The following ICE2 variants were observed in gnomAD, a reference collection of about 807,000 sequenced individuals.
The protein encoded by ICE2 is interactor of little elongation complex ELL subunit 2.
Under a neutral mutation model 105.4 loss-of-function variants are expected in ICE2, and 87 were observed. The ratio of observed to expected loss-of-function variants is 0.83; its 90% CI spans 0.69 to 0.99. The LOEUF is 0.99. Ranked by LOEUF, ICE2 falls within the 50% of genes least tolerant of loss-of-function variation. ICE2 has a pLI of 0.00. For missense variants in ICE2, 1,323 were observed against 1,146.7 expected (o/e 1.15, Z -2.22); for synonymous variants, 399 against 392.0 (o/e 1.02, Z -0.21).
intron 9 of ICE2, chr15:60,453,069 A>C (rs1444486768): frequency 1.3e-5 from 9 of 674,770 alleles, no homozygotes; most frequent in Non-Finnish European, 1.6e-5. Flanking sequence ...CATCTCTACT[A>C]AAACTACAAA....
At chr15:60,470,657 T>C (rs895516713) in intron 3 of ICE2, among the ~76,000 whole-genome samples, 24 of 152,216 alleles carry the variant, frequency 1.6e-4, no homozygotes, top group African/African-American at 5.8e-4. Flanking sequence ...CCTATGATTA[T>C]TTTATGGTAT....
chr15:60,453,785 C>A lies in ICE2; in HGVS notation c.944-1G>T. ...TATATTACTTTAACTGGTTTTGAACCTTAAAACAGAAACCAAAGAAAAGAG... is the reference window on the plus strand; with the variant it reads ...TATATTACTTTAACTGGTTTTGAACATTAAAACAGAAACCAAAGAAAAGAG... On this transcript the variant is annotated splice_acceptor_variant, in intron 8 of 15. Coordinates refer to ENST00000261520, the MANE Select transcript of ICE2 (RefSeq NM_024611.6). LOFTEE classifies it high-confidence loss of function. 2.6e-6 allele frequency: 4 copies of A among 1,560,234 alleles called. No homozygotes were observed. Among genetic ancestry groups the A allele is most frequent in the Non-Finnish European group, 3.5e-6 (4 of 1,135,412 alleles).
At chr15:60,460,336 A>T (rs1339488138) in intron 5 of ICE2, among the ~76,000 whole-genome samples, 1 of 152,178 alleles carries the variant, frequency 6.6e-6, no homozygotes, top group Non-Finnish European at 1.5e-5. Context: ...TCTCCACTAA[A>T]AATACAAAAA....
At chr15:60,457,989 T>C (rs190810970) in intron 5 of ICE2, among the ~76,000 whole-genome samples, 3 of 152,282 alleles carry the variant, frequency 2.0e-5, no homozygotes, top group Non-Finnish European at 2.9e-5. Context: ...TTGTTACATA[T>C]TCATTGGCAC....
Position 60,449,625 on chromosome 15 carries a change from C to G in ICE2, c.1342G>C (p.Asp448His), listed in dbSNP as rs2063912666. 1 of 1,614,152 alleles carries G rather than the reference C, an allele frequency of 6.2e-7. No homozygotes were observed. The highest frequency in any genetic ancestry group is 8.5e-7 in the Non-Finnish European group (1 of 1,180,028). The change falls in exon 10 of 16, where the codon GAC becomes CAC. Residue 448 changes from aspartate to histidine, a missense_variant. Physicochemically the swap from Asp to His is moderately conservative, Grantham distance 81 (BLOSUM62 -1). Coordinates refer to ENST00000261520, the MANE Select transcript of ICE2 (RefSeq NM_024611.6). Reference sequence around the variant, plus strand: ...AAACTTCTAGAATTAGCAGAAATGTCTGGTGCACTTGGTGCCACAGTTGTA... The same window carrying G: ...AAACTTCTAGAATTAGCAGAAATGTGTGGTGCACTTGGTGCCACAGTTGTA... Reference protein sequence around the residue: ...GTTTVAPSAPDISANSRSLSQ... With the variant: ...GTTTVAPSAPHISANSRSLSQ...
intron 3 of ICE2, among the ~76,000 whole-genome samples, chr15:60,471,814 G>T (rs957351049): frequency 6.6e-6 from 1 of 151,626 alleles, no homozygotes; most frequent in African/African-American, 2.4e-5. Context: ...AAACAGGGTA[G>T]AATCCAAAAC....
At position 60,455,438 on chromosome 15, in the gene ICE2, C is replaced by G. The variant is rs536517889; in HGVS notation, c.671G>C (p.Ser224Thr). 7 of 1,600,500 alleles carry G rather than the reference C, an allele frequency of 4.4e-6. No individual in the cohort carries two copies. In the Admixed American group the frequency reaches 1.0e-4, roughly 23 times the overall value. The change falls in exon 7 of 16, where the codon AGT becomes ACT. Residue 224 changes from serine (S) to threonine (T), a missense_variant. Coordinates refer to ENST00000261520, the MANE Select transcript of ICE2 (RefSeq NM_024611.6). ...AAATACTGTTTTCACATATTTTACA[C>G]TGCCCTAAATATGAAAAAAAAATCA... ...KLEKTLLALGSVKYVKTVFPS... is the reference protein window; with the variant it reads ...KLEKTLLALGTVKYVKTVFPS...
At chr15:60,445,735 C>T (rs965207577) in intron 11 of ICE2, 2 of 985,114 alleles carry the variant, frequency 2.0e-6, no homozygotes, top group East Asian at 1.1e-4. Context: ...CCAAAATTTC[C>T]CTAGGCTATT....
rs2063276664 is a variant in ICE2, at chr15:60,423,727, C to T, written c.2856G>A (p.Arg952=). ...GGTRMPTRSH[R]NPVSMETKSS... is the part of the protein sequence containing the mutation. ...TTTTGGTTTCCATGGAAACTGGATT[C>T]CTGTGGCTGCGTGTAGGCATTCTCG... The change falls in exon 16 of 16, where the codon AGG becomes AGA. Residue 952 remains arginine, a synonymous_variant. Coordinates refer to ENST00000261520, the MANE Select transcript of ICE2 (RefSeq NM_024611.6). 1 of 1,602,474 alleles carries T rather than the reference C, an allele frequency of 6.2e-7. No individual in the cohort carries two copies. The highest frequency in any genetic ancestry group is 1.1e-5 in the South Asian group (1 of 88,784).
Position 60,446,505 on chromosome 15 carries a change from C to T in ICE2, c.2295+1465G>A, listed in dbSNP as rs574114005. On this transcript the variant is annotated intron_variant, in intron 11 of 15. Coordinates refer to ENST00000261520, the MANE Select transcript of ICE2 (RefSeq NM_024611.6). ...CCGCCTCCCAGGTTCACGCCATTCT[C>T]CAGCCTCAGCCTCCCACGTAGCTGG... Among the ~76,000 whole-genome samples, 10 of 152,316 alleles carry T rather than the reference C, an allele frequency of 6.6e-5. No homozygotes were observed. In the East Asian group the frequency reaches 1.9e-3, roughly 29 times the overall value.
At chr15:60,452,541 G>A (rs2063990666) in intron 9 of ICE2, 1 of 157,078 alleles carries the variant, frequency 6.4e-6, no homozygotes, top group African/African-American at 2.4e-5. Context: ...AGGGAAAACA[G>A]GTTTTGTTTT....
intron 5 of ICE2, among the ~76,000 whole-genome samples, chr15:60,459,946 C>T (rs553426677): frequency 2.0e-5 from 3 of 151,982 alleles, no homozygotes; most frequent in African/African-American, 7.3e-5. Flanking sequence ...ATACCGTCAT[C>T]ATAATGGATG....
chr15:60,443,691 G>T (rs1353940934), intron 11 of ICE2, among the ~76,000 whole-genome samples: 1 of 152,148 alleles, frequency 6.6e-6, no homozygotes, highest in Non-Finnish European at 1.5e-5. Context: ...AAAATTAAAT[G>T]TGATTAGGAT....
At chr15:60,453,199 T>G in intron 9 of ICE2, 19 of 991,692 alleles carry the variant, frequency 1.9e-5, no homozygotes, top group Non-Finnish European at 2.3e-5. Context: ...ACCACTGCAC[T>G]CCAGCCTGGG....
intron 5 of ICE2, among the ~76,000 whole-genome samples, chr15:60,465,727 T>C (rs1464953479): frequency 1.3e-5 from 2 of 151,576 alleles, no homozygotes; most frequent in African/African-American, 4.8e-5. Context: ...TATATAGTTA[T>C]TATTTAAGTA....
chr15:60,435,524 A>G (rs1338293284), intron 13 of ICE2, among the ~76,000 whole-genome samples: 1 of 150,978 alleles, frequency 6.6e-6, no homozygotes, highest in Non-Finnish European at 1.5e-5. Context: ...GCTTGAACCC[A>G]GGAGGTGGAG....
At chr15:60,460,918 A>G (rs992247014) in intron 5 of ICE2, among the ~76,000 whole-genome samples, 2 of 152,188 alleles carry the variant, frequency 1.3e-5, no homozygotes, top group East Asian at 3.8e-4. Flanking sequence ...AGCCCTTTAG[A>G]TTAGGGTTTC....
chr15:60,474,821 T>A (rs1163945068), intron 3 of ICE2, among the ~76,000 whole-genome samples: 1 of 152,112 alleles, frequency 6.6e-6, no homozygotes, highest in Non-Finnish European at 1.5e-5. Context: ...CTTGAGCATG[T>A]TCAAATACTG....
intron 3 of ICE2, among the ~76,000 whole-genome samples, chr15:60,473,139 T>G (rs947867268): frequency 1.3e-5 from 2 of 151,984 alleles, no homozygotes; most frequent in African/African-American, 4.8e-5. Flanking sequence ...GACAAGGTCT[T>G]GATATGTTGC....
Sources: allele counts gnomAD v4.1 joint callset (sites outside exome capture counted in the v4.1 genomes callset), GRCh38; gene constraint gnomAD v4.1.1; transcripts MANE v1.5; gene names NCBI Gene and HGNC (gene_info 2026-07-23, HGNC 2026-07-21).